The following LRRC49 variants were observed in gnomAD, a reference collection of about 807,000 sequenced individuals.
The protein encoded by LRRC49 is leucine-rich repeat-containing protein 49.
A neutral mutation model predicts 83.3 loss-of-function variants in LRRC49; 50 were observed. The observed-to-expected ratio is 0.60, with a 90% CI of 0.48 to 0.76. The LOEUF (loss-of-function observed/expected upper bound fraction) is 0.76. Among genes scored for constraint, LRRC49 ranks in the 30% least tolerant of loss-of-function variants. LRRC49 has a pLI of 0.00. For synonymous variants in LRRC49, 286 were observed against 283.3 expected (o/e 1.01, Z -0.10); for missense variants, 704 against 809.1 (o/e 0.87, Z 1.58).
chr15:70,966,631 A>G (rs987453738), intron 9 of LRRC49, among the ~76,000 whole-genome samples: 1 of 152,084 alleles, frequency 6.6e-6, no homozygotes, highest in Non-Finnish European at 1.5e-5. Context: ...ATTTACATAT[A>G]TTATTTTTTA....
rs772199649 is a variant in LRRC49 at position 70,904,795 on chromosome 15, T to G, written c.500+40T>G. The G allele has an allele frequency of 3.5e-6, 5 of 1,442,946 alleles. No individual in the cohort carries two copies. In the South Asian group the frequency reaches 6.2e-5, roughly 18 times the overall value. The allele number at this position is 1,442,946 out of a possible 1,614,324, so 89.4% of individuals were successfully genotyped here. On this transcript the variant is annotated intron_variant, in intron 5 of 15. Coordinates refer to ENST00000260382, the MANE Select transcript of LRRC49 (RefSeq NM_017691.5). ...GCAGTTTTTGTAGCCTAATGTTATGTGTAGGATTAATGTGGAGATGACAAC... is the reference window on the plus strand; with the variant it reads ...GCAGTTTTTGTAGCCTAATGTTATGGGTAGGATTAATGTGGAGATGACAAC...
chr15:70,855,284 G>C (rs1424539935), intron 1 of LRRC49, among the ~76,000 whole-genome samples: 1 of 148,824 alleles, frequency 6.7e-6, no homozygotes, highest in African/African-American at 2.5e-5. Context: ...GTGGTGAGCC[G>C]AGATTGTGCC....
chr15:70,990,744 G>A (rs1015004947), intron 11 of LRRC49, among the ~76,000 whole-genome samples: 1 of 152,232 alleles, frequency 6.6e-6, no homozygotes, highest in African/African-American at 2.4e-5. Context: ...GCTGGGAGCT[G>A]TAGACCGGAG....
At chr15:70,871,160 C>G (rs1039605470) in intron 1 of LRRC49, among the ~76,000 whole-genome samples, 20 of 151,330 alleles carry the variant, frequency 1.3e-4, no homozygotes, top group South Asian at 6.3e-4. Flanking sequence ...TGACTCTTAA[C>G]GAGTATGCTG....
rs752640983 is a variant in LRRC49 at position 70,984,204 on chromosome 15, G to C, written c.1116G>C (p.Gln372His). ...ATAGAAAAGATTCTGACTCTCCTCA[G>C]GACCCCTGTCAGATTGATGGAAGCA... Reference protein sequence around the residue: ...NEDRKDSDSPQDPCQIDGSTL... With the variant: ...NEDRKDSDSPHDPCQIDGSTL... Residue 372 changes from glutamine (Q) to histidine (H), a missense_variant, in exon 11 of 16, where the codon CAG becomes CAC. Gln to His is a conservative substitution (Grantham distance 24, BLOSUM62 0). This residue lies in a region of LRRC49 where 168 missense variants were observed against 140.6 expected (regional missense o/e 1.20). Transcript: ENST00000260382. 6.2e-7 allele frequency: 1 copy of C among 1,613,256 alleles called. No individual in the cohort carries two copies. Among genetic ancestry groups the C allele is most frequent in the Non-Finnish European group, 8.5e-7 (1 of 1,179,472 alleles).
At chr15:70,957,033 G>A (rs1040328691) in intron 8 of LRRC49, among the ~76,000 whole-genome samples, 2 of 152,076 alleles carry the variant, frequency 1.3e-5, no homozygotes, top group African/African-American at 4.8e-5. Context: ...TCTTTATAAT[G>A]TATACTGGGC....
In LRRC49 at chr15:70,919,166, C is replaced by T. The variant is rs1459359844; in HGVS notation, c.684C>T (p.Asn228=). The part of the protein sequence containing the change: ...LNGLDSLTEL[N]LRHNQITFVR... ...GGCTGGATTCACTAACTGAACTTAA[C>T]TTGCGACACAATCAAATCACTTTCG... Residue 228 remains asparagine, a synonymous_variant, in exon 7 of 16, where the codon AAC becomes AAT. Coordinates refer to ENST00000260382, the MANE Select transcript of LRRC49 (RefSeq NM_017691.5). 2 of 1,612,362 alleles carry T rather than the reference C, an allele frequency of 1.2e-6. No homozygotes were observed. Among genetic ancestry groups the T allele is most frequent in the Non-Finnish European group, 1.7e-6 (2 of 1,179,412 alleles).
intron 14 of LRRC49, among the ~76,000 whole-genome samples, chr15:71,033,186 G>C (rs539396951): frequency 6.6e-6 from 1 of 152,278 alleles, no homozygotes; most frequent in African/African-American, 2.4e-5. Context: ...AAATCAATGT[G>C]CAAAAATTGC....
intron 10 of LRRC49, among the ~76,000 whole-genome samples, chr15:70,981,019 C>T (rs541992231): frequency 6.6e-6 from 1 of 152,156 alleles, no homozygotes; most frequent in South Asian, 2.1e-4. Flanking sequence ...TGAGACAAAA[C>T]AAAATGTCAC....
In LRRC49 at chr15:70,973,086, C is replaced by A. The variant is rs1238110513; in HGVS notation, c.922-7015C>A. 2.6e-5 allele frequency among the ~76,000 whole-genome samples: 4 copies of A among 152,232 alleles called. No homozygotes were observed. In the South Asian group the frequency reaches 8.3e-4, roughly 32 times the overall value. On this transcript the variant is annotated intron_variant, in intron 9 of 15. Coordinates refer to ENST00000260382, the MANE Select transcript of LRRC49 (RefSeq NM_017691.5). ...GCATTCTGGTTTTTGGAATTTTCAA[C>A]CTTTTTGTGCTGGTTTTTCCTCATC...
chr15:71,024,320 C>G (rs1295146848), intron 14 of LRRC49, among the ~76,000 whole-genome samples: 3 of 152,184 alleles, frequency 2.0e-5, no homozygotes, highest in African/African-American at 4.8e-5. Context: ...CTCCCCTCAA[C>G]AAGGGTTGCC....
At chr15:70,967,243 G>GGA (rs1280723514) in intron 9 of LRRC49, among the ~76,000 whole-genome samples, 1 of 152,074 alleles carries the variant, frequency 6.6e-6, no homozygotes, top group East Asian at 1.9e-4. Context: ...GGACAGGCAA[G>GGA]GACTAGGGCA....
chr15:71,040,477 G>C lies in LRRC49; in HGVS notation c.1857+3145G>C, dbSNP rs144894227. ...TCAGTTGACTTTGAGTTAATGAAGA[G>C]AGAGATCATCCTGAGAAAGTCTAAC... On this transcript the variant is annotated intron_variant, in intron 15 of 15. Coordinates refer to ENST00000260382, the MANE Select transcript of LRRC49 (RefSeq NM_017691.5). Among the ~76,000 whole-genome samples the C allele has an allele frequency of 1.4e-3, 218 of 152,272 alleles. 1 individual carries two copies. The highest frequency in any genetic ancestry group is 6.8e-3 in the Middle Eastern group (2 of 294).
chr15:70,877,858 G>A (rs556563913), intron 2 of LRRC49, among the ~76,000 whole-genome samples: 1 of 152,292 alleles, frequency 6.6e-6, no homozygotes, highest in South Asian at 2.1e-4. Context: ...GGCTGGGCGC[G>A]GTGGCTCACG....
intron 8 of LRRC49, among the ~76,000 whole-genome samples, chr15:70,956,146 G>T (rs149916567): frequency 2.6e-4 from 39 of 152,292 alleles, no homozygotes; most frequent in African/African-American, 9.1e-4. Context: ...AAATTTGACT[G>T]ATATTTAGGA....
rs189505020 is a variant in LRRC49, at chr15:70,898,771, C to A, written c.194-2151C>A. Among the ~76,000 whole-genome samples the A allele has an allele frequency of 1.4e-4, 21 of 152,114 alleles. No homozygotes were observed. The East Asian group carries it at 3.7e-3, about 27-fold the overall frequency. On this transcript the variant is annotated intron_variant, in intron 3 of 15. Coordinates refer to ENST00000260382, the MANE Select transcript of LRRC49 (RefSeq NM_017691.5). Reference sequence around the variant, plus strand: ...CTAAATTCCAGCCTGGGTGACAGAGCAAGACCCTGTCTCAAAAAGAAAGAA... The same window carrying A: ...CTAAATTCCAGCCTGGGTGACAGAGAAAGACCCTGTCTCAAAAAGAAAGAA...
intron 1 of LRRC49, among the ~76,000 whole-genome samples, chr15:70,871,945 C>T (rs988522266): frequency 3.3e-5 from 5 of 151,180 alleles, no homozygotes; most frequent in African/African-American, 9.7e-5. Flanking sequence ...CCTCACATCC[C>T]AGACGATGGG....
At chr15:70,888,753 A>T (rs2033474820), upstream of LRRC49, among the ~76,000 whole-genome samples, 1 of 152,192 alleles carries the variant, frequency 6.6e-6, no homozygotes, top group Non-Finnish European at 1.5e-5. Flanking sequence ...AAAATTCTAA[A>T]TCAACAAGAA....
At chr15:70,880,245 C>T (rs530534789) in intron 2 of LRRC49, among the ~76,000 whole-genome samples, 10 of 152,198 alleles carry the variant, frequency 6.6e-5, no homozygotes, top group African/African-American at 2.2e-4. Context: ...AAACCTCTCC[C>T]CCCACCTCAA....
Sources: gnomAD v4.1 joint callset for allele counts (sites outside exome capture counted in the v4.1 genomes callset) on GRCh38, gnomAD v4.1.1 for gene constraint, gnomAD v4.1.1 regional missense constraint, MANE v1.5 for transcripts, NCBI Gene and HGNC (gene_info 2026-07-23, HGNC 2026-07-21) for gene names.